SAMD12: variants seen among roughly 807,000 people sequenced by gnomAD.
SAMD12 encodes the protein sterile alpha motif domain-containing protein 12.
SAMD12 carries 9 observed loss-of-function variants against 15.0 expected under a neutral mutation model. The ratio of observed to expected loss-of-function variants is 0.60; its 90% CI spans 0.36 to 1.05. The LOEUF (loss-of-function observed/expected upper bound fraction) is 1.05, where lower values mean the gene tolerates loss of function less well. Among genes scored for constraint, SAMD12 ranks in the 50% least tolerant of loss-of-function variants. The pLI is 0.01. For missense variants in SAMD12, 230 were observed against 234.2 expected (o/e 0.98, Z 0.12); for synonymous variants, 86 against 90.1 (o/e 0.96, Z 0.25).
chr8:118,151,161 C>A, the SAMD12 span, among the ~76,000 whole-genome samples: 3 of 151,970 alleles, frequency 2.0e-5, no homozygotes, highest in African/African-American at 4.8e-5. Flanking sequence ...CTTATCTTTG[C>A]TCTTTTGTAT....
the SAMD12 span, among the ~76,000 whole-genome samples, chr8:118,156,300 T>A: frequency 6.6e-6 from 1 of 152,188 alleles, no homozygotes; most frequent in Non-Finnish European, 1.5e-5. Context: ...TGGTATAAGA[T>A]AACATCAGAT....
At chr8:118,392,183 C>T (rs528286845) in intron 3 of SAMD12, among the ~76,000 whole-genome samples, 1 of 152,314 alleles carries the variant, frequency 6.6e-6, no homozygotes. Context: ...AATCCCAGCA[C>T]TTTGGGAGGC....
the SAMD12 span, among the ~76,000 whole-genome samples, chr8:118,179,253 C>CA: frequency 6.6e-6 from 1 of 152,008 alleles, no homozygotes; most frequent in African/African-American, 2.4e-5. Flanking sequence ...GCCTGACCAA[C>CA]ATGGAGAAAT....
At chr8:118,166,237 G>T in the SAMD12 span, among the ~76,000 whole-genome samples, 1 of 152,178 alleles carries the variant, frequency 6.6e-6, no homozygotes, top group Non-Finnish European at 1.5e-5. Context: ...ATACTCTCAA[G>T]ATTATCAGTG....
chr8:118,420,281 CTG>C (rs912629948), intron 3 of SAMD12, among the ~76,000 whole-genome samples: 1 of 152,096 alleles, frequency 6.6e-6, no homozygotes, highest in African/African-American at 2.4e-5. Context: ...GCATGTGCCT[CTG>C]TGTGTGTTTG....
chr8:118,606,287 G>T (rs1036148451), intron 1 of SAMD12, among the ~76,000 whole-genome samples: 2 of 152,060 alleles, frequency 1.3e-5, no homozygotes, highest in African/African-American at 4.8e-5. Context: ...CAGCAATGAT[G>T]GAAGCCTCAA....
rs565912222 is a variant in SAMD12 at position 118,226,501 on chromosome 8, T to A, written c.434-28769A>T. 3.9e-5 allele frequency among the ~76,000 whole-genome samples: 6 copies of A among 152,282 alleles called. No individual in the cohort carries two copies. The South Asian group carries it at 1.2e-3, about 32-fold the overall frequency. ...GGCTTCTCGTATATTTCTTTAACAC[T>A]CACCCTGAAAGAACTTCTGTCCATC... On this transcript the variant is annotated intron_variant, in intron 4 of 4. Coordinates refer to the SAMD12 transcript ENST00000409003.
chr8:118,616,985 G>A (rs1307523564), intron 1 of SAMD12, among the ~76,000 whole-genome samples: 1 of 152,140 alleles, frequency 6.6e-6, no homozygotes, highest in African/African-American at 2.4e-5. Flanking sequence ...CATCCCCCAT[G>A]GAAAAACTGT....
chr8:118,413,525 A>G (rs1821527101), intron 3 of SAMD12, among the ~76,000 whole-genome samples: 1 of 152,174 alleles, frequency 6.6e-6, no homozygotes, highest in Non-Finnish European at 1.5e-5. Flanking sequence ...AGAGCACTGC[A>G]TCCACAATGG....
chr8:118,172,438 T>G, the SAMD12 span, among the ~76,000 whole-genome samples: 1 of 152,200 alleles, frequency 6.6e-6, no homozygotes, highest in Non-Finnish European at 1.5e-5. Context: ...TTGGTCCTGC[T>G]TAACACTATA....
chr8:118,587,846 C>G (rs1021826448), intron 1 of SAMD12, among the ~76,000 whole-genome samples: 2 of 152,224 alleles, frequency 1.3e-5, no homozygotes, highest in African/African-American at 4.8e-5. Flanking sequence ...CTACAACTTT[C>G]AGATGAACCC....
rs35465667 is a variant in SAMD12, at chr8:118,200,403, C to CAAA, written c.434-2674_434-2672dup. Among the ~76,000 whole-genome samples, 131 of 114,156 alleles carry CAAA rather than the reference C, an allele frequency of 1.1e-3. 1 individual carries two copies. The highest frequency in any genetic ancestry group is 4.8e-3 in the Middle Eastern group (1 of 210). The allele number at this position is 114,156 out of a possible 152,430, so 74.9% of individuals were successfully genotyped here. On this transcript the variant is annotated intron_variant, in intron 4 of 4. Coordinates refer to the SAMD12 transcript ENST00000409003. ...ACGATGAAGGGCCCTATTAGAGTAC[C>CAAA]AAAAAAAAAAAAAAAAAAAATCAGA... is the stretch of plus-strand genomic sequence containing the variant.
intron 4 of SAMD12, among the ~76,000 whole-genome samples, chr8:118,235,271 C>T (rs988822812): frequency 1.3e-5 from 2 of 151,172 alleles, no homozygotes; most frequent in African/African-American, 2.4e-5. Flanking sequence ...AGTGCAGTGG[C>T]GTGATCTCAG....
At chr8:118,266,321 T>C (rs1813198957) in intron 4 of SAMD12, among the ~76,000 whole-genome samples, 1 of 152,170 alleles carries the variant, frequency 6.6e-6, no homozygotes, top group Non-Finnish European at 1.5e-5. Context: ...AGAATGGCTA[T>C]TATTAAAAAG....
At chr8:118,317,246 C>A in intron 4 of SAMD12, among the ~76,000 whole-genome samples, 1 of 152,118 alleles carries the variant, frequency 6.6e-6, no homozygotes, top group Non-Finnish European at 1.5e-5. Flanking sequence ...GTAGCCCAAG[C>A]AAATTAGTAT....
At position 118,484,951 on chromosome 8, in the gene SAMD12, G is replaced by C. The variant is rs530766225; in HGVS notation, c.193-44990C>G. 1.8e-4 allele frequency among the ~76,000 whole-genome samples: 27 copies of C among 152,260 alleles called. 1 individual carries two copies. The highest frequency in any genetic ancestry group is 6.5e-4 in the African/African-American group (27 of 41,546). ...ACCCAATGATCCTTGGTCGTATGCA[G>C]CTTTCATGGTAATGGATCTACCCAA... On this transcript the variant is annotated intron_variant, in intron 2 of 3. Coordinates refer to ENST00000314727, the MANE Select transcript of SAMD12 (RefSeq NM_207506.3).
intron 1 of SAMD12, among the ~76,000 whole-genome samples, chr8:118,611,901 G>A (rs1409360457): frequency 6.6e-6 from 1 of 152,008 alleles, no homozygotes; most frequent in East Asian, 1.9e-4. Flanking sequence ...CCACTATCAG[G>A]CCCCAAACCC....
intron 3 of SAMD12, among the ~76,000 whole-genome samples, chr8:118,414,188 T>C (rs1821568315): frequency 6.6e-6 from 1 of 152,198 alleles, no homozygotes; most frequent in African/African-American, 2.4e-5. Flanking sequence ...TCCCACTGTA[T>C]TTAGACATTT....
intron 2 of SAMD12, among the ~76,000 whole-genome samples, chr8:118,459,967 T>C (rs563418945): frequency 7.9e-5 from 12 of 152,130 alleles, no homozygotes; most frequent in Non-Finnish European, 1.8e-4. Context: ...TGATGAGAAA[T>C]CCCAGGACCA....
Sources: gnomAD v4.1 joint callset for allele counts (sites outside exome capture counted in the v4.1 genomes callset) on GRCh38, gnomAD v4.1.1 for gene constraint, MANE v1.5 for transcripts, NCBI Gene and HGNC (gene_info 2026-07-23, HGNC 2026-07-21) for gene names.